GLUL: variants seen among roughly 807,000 people sequenced by gnomAD.
GLUL encodes the protein glutamate-ammonia ligase, also known as glutamine synthetase.
In GLUL, 8 loss-of-function variants were observed where a neutral mutation model predicts 36.9. The ratio of observed to expected loss-of-function variants is 0.22; its 90% CI spans 0.13 to 0.39. GLUL has a LOEUF of 0.39. GLUL is among the 10% of genes least tolerant of loss of function. The pLI, the probability that GLUL is intolerant of heterozygous loss-of-function variation, is 1.00. For missense variants in GLUL, 315 were observed against 501.8 expected (o/e 0.63, Z 3.56); for synonymous variants, 182 against 172.8 (o/e 1.05, Z -0.42).
intron 6 of GLUL, 118 bp from the exon 7 acceptor site, chr1:182,384,841 C>G: frequency 1.3e-6 from 1 of 772,836 alleles, no homozygotes; most frequent in South Asian, 1.4e-5. Context: ...GTGGCTGCAT[C>G]TTCTTACCTG....
chr1:182,386,631 A>G, intron 3 of GLUL: 1 of 583,292 alleles, frequency 1.7e-6, no homozygotes, highest in Non-Finnish European at 3.1e-6. Flanking sequence ...AACTAAACTC[A>G]GTTACAACCA....
At chr1:182,385,168 C>T in intron 6 of GLUL, 189 bp downstream of exon 6, 1 of 601,020 alleles carries the variant, frequency 1.7e-6, no homozygotes. Context: ...CAAATAGGAA[C>T]AAAATGAGAG....
At chr1:182,386,546 G>T in intron 3 of GLUL, 144 bp from the exon 4 acceptor site, 1 of 750,290 alleles carries the variant, frequency 1.3e-6, no homozygotes, top group Admixed American at 1.9e-5. Context: ...GGCCTTCTTG[G>T]GATCACCGAG....
chr1:182,385,254 T>C (rs1419441369), intron 6 of GLUL, 103 bp downstream of exon 6: 1 of 896,648 alleles, frequency 1.1e-6, no homozygotes, highest in African/African-American at 1.6e-5. Flanking sequence ...GGCAAATATT[T>C]GCAAGTCATC....
intron 6 of GLUL, chr1:182,385,131 G>A (rs1390729296): frequency 4.2e-6 from 2 of 480,900 alleles, no homozygotes; most frequent in Non-Finnish European, 7.4e-6. Context: ...TTATCACTGT[G>A]AATCAGAAGT....
rs1650012535 is a variant in GLUL at position 182,383,189 on chromosome 1, TCTC to T, written c.*1213_*1215del. On this transcript the variant is annotated 3_prime_UTR_variant, in exon 7 of 7. Transcript: ENST00000331872. Reference sequence around the variant, plus strand: ...TGTTTTGACTCCAGCCCTGTCCCCATCTCCTCCAAGAGCAGAGGTAGGAGACAG... The same window carrying T: ...TGTTTTGACTCCAGCCCTGTCCCCATCTCCAAGAGCAGAGGTAGGAGACAG... 2 of 152,128 alleles carry T rather than the reference TCTC, an allele frequency of 1.3e-5. No individual in the cohort carries two copies. The highest frequency in any genetic ancestry group is 4.8e-5 in the African/African-American group (2 of 41,430). The allele number at this position is 152,128 out of a possible 1,614,324, so 9.4% of individuals were successfully genotyped here. A position where few individuals can be genotyped will look rare whatever the true frequency, so the allele number is the denominator to read the frequency against.
At chr1:182,385,984 A>G in intron 4 of GLUL, 97 bp from the exon 5 acceptor site, 1 of 1,286,770 alleles carries the variant, frequency 7.8e-7, no homozygotes, top group Non-Finnish European at 1.1e-6. Context: ...CTCTTGAATC[A>G]CTATCCTTGC....
At chr1:182,384,975 TA>T in intron 6 of GLUL, 1 of 503,594 alleles carries the variant, frequency 2.0e-6, no homozygotes, top group Non-Finnish European at 3.5e-6. Context: ...CCTGTATTGT[TA>T]CTAATTTAGT....
intron 4 of GLUL, 41 bp downstream of exon 4, chr1:182,386,215 G>T: frequency 6.3e-7 from 1 of 1,586,660 alleles, no homozygotes; most frequent in Non-Finnish European, 8.6e-7. Flanking sequence ...TGCACAGTTA[G>T]ACACTTCTGG....
In GLUL at chr1:182,384,248, CCAAA is replaced by C; in HGVS notation, c.*153_*156del. On this transcript the variant is annotated 3_prime_UTR_variant, in exon 7 of 7. Transcript: ENST00000331872. The stretch of plus-strand genomic sequence containing the variant: ...TAATAACTTGACCCCTCTATCCCAG[CCAAA>C]CAAAGAAAGCAAGATTAACTGGGCA... The C allele has an allele frequency of 2.9e-6, 2 of 696,178 alleles. No individual in the cohort carries two copies. The highest frequency in any genetic ancestry group is 5.3e-6 in the Non-Finnish European group (2 of 380,612). 43.1% of individuals were successfully genotyped at this position (696,178 alleles called of 1,614,324 possible).
intron 1 of GLUL, chr1:182,391,091 G>A (rs930299040): frequency 7.5e-6 from 3 of 398,414 alleles, no homozygotes; most frequent in Non-Finnish European, 1.3e-5. Context: ...TGACTGCGCC[G>A]AGGCCCGGGC....
rs1434731745 is a variant in GLUL at position 182,387,305 on chromosome 1, G to A, written c.167-13C>T. On this transcript the variant is annotated splice_polypyrimidine_tract_variant and intron_variant, in intron 2 of 6. Transcript: ENST00000331872. ...CACTCAGGCAACTCTGGGGCAAAAA[G>A]AGGGAAAATTACATTTAAAACATAC... The A allele has an allele frequency of 3.1e-6, 5 of 1,605,412 alleles. No individual in the cohort carries two copies. Among genetic ancestry groups the A allele is most frequent in the Non-Finnish European group, 4.3e-6 (5 of 1,172,250 alleles).
intron 5 of GLUL, 22 bp from the exon 6 acceptor site, chr1:182,385,578 A>G: frequency 1.2e-6 from 2 of 1,608,666 alleles, no homozygotes; most frequent in Non-Finnish European, 1.7e-6. Context: ...AAGCTTGGCC[A>G]TTAAAACAAA....
Position 182,384,925 on chromosome 1 carries a change from A to C in GLUL, c.804-202T>G, listed in dbSNP as rs1448525786. 10 of 613,128 alleles carry C rather than the reference A, an allele frequency of 1.6e-5. No individual in the cohort carries two copies. In the African/African-American group the frequency reaches 1.8e-4, roughly 11 times the overall value. The allele number at this position is 613,128 out of a possible 1,614,324, so 38.0% of individuals were successfully genotyped here. ...GTTTGTTGAAAAGACTAATCATTTGAAACTTTCTCCCCCTCATAAGCATTA... is the reference window on the plus strand; with the variant it reads ...GTTTGTTGAAAAGACTAATCATTTGCAACTTTCTCCCCCTCATAAGCATTA... On this transcript the variant is annotated intron_variant, in intron 6 of 6. Transcript: ENST00000331872.
intron 3 of GLUL, 70 bp downstream of exon 3, chr1:182,387,061 A>G: frequency 8.3e-7 from 1 of 1,206,534 alleles, no homozygotes; most frequent in South Asian, 1.2e-5. Flanking sequence ...TGATTTCAGA[A>G]TGTCTTCTCC....
chr1:182,385,971 G>C (rs887746302), intron 4 of GLUL, 84 bp from the exon 5 acceptor site: 4 of 1,388,296 alleles, frequency 2.9e-6, no homozygotes, highest in Non-Finnish European at 4.1e-6. Flanking sequence ...CTTAAGCCTT[G>C]CCCTCTTGAA....
rs1462984797 is a variant in GLUL at position 182,382,478 on chromosome 1, A to G, written c.*1927T>C. ...AAGGCTTCAACCAGGGTAGCAGGGT[A>G]GCTAATATTTGTTTCTTATCACTGA... On this transcript the variant is annotated 3_prime_UTR_variant, in exon 7 of 7. Transcript: ENST00000331872. The G allele has an allele frequency of 2.3e-5, 2 of 88,678 alleles. No individual in the cohort carries two copies. 5.5% of individuals were successfully genotyped at this position (88,678 alleles called of 1,614,324 possible). A position where few individuals can be genotyped will look rare whatever the true frequency, so the allele number is the denominator to read the frequency against.
intron 1 of GLUL, chr1:182,390,229 C>CG (rs796392813): frequency 3.9e-6 from 1 of 259,382 alleles, no homozygotes; most frequent in Non-Finnish European, 7.1e-6. Context: ...TGTCGGAAAA[C>CG]AAAAAAAAAA....
intron 1 of GLUL, chr1:182,391,087 C>G: frequency 2.5e-6 from 1 of 398,452 alleles, no homozygotes; most frequent in Non-Finnish European, 4.4e-6. Context: ...CCACTGACTG[C>G]GCCGAGGCCC....
Sources: allele counts gnomAD v4.1 joint callset, GRCh38; gene constraint gnomAD v4.1.1; transcripts MANE v1.5; gene names NCBI Gene and HGNC (gene_info 2026-07-23, HGNC 2026-07-21).